The following CNTNAP2 variants were observed in gnomAD, a reference collection of about 807,000 sequenced individuals.
The protein encoded by CNTNAP2 is contactin associated protein 2.
In CNTNAP2, 98 loss-of-function variants were observed where a neutral mutation model predicts 155.2. The ratio of observed to expected loss-of-function variants is 0.63; its 90% CI spans 0.54 to 0.75. The LOEUF is 0.75. CNTNAP2 is among the 30% of genes least tolerant of loss of function. CNTNAP2 has a pLI of 0.00. For missense variants in CNTNAP2, 1,727 were observed against 1,688.1 expected, an observed-to-expected ratio of 1.02 and a Z score of -0.40; for synonymous variants, 651 against 631.2, an observed-to-expected ratio of 1.03 and a Z score of -0.47.
At position 147,968,606 on chromosome 7, in the gene CNTNAP2, A is replaced by T. The variant is rs148819248; in HGVS notation, c.2256-9256A>T. On this transcript the variant is annotated intron_variant, in intron 14 of 23. Coordinates refer to ENST00000361727, the MANE Select transcript of CNTNAP2 (RefSeq NM_014141.6). The stretch of plus-strand genomic sequence containing the variant: ...TGATGATCCAGCCCCTGTTTGTTTT[A>T]TGAACAAAGGCTTTAACTTCTGACA... 2.2e-4 allele frequency among the ~76,000 whole-genome samples: 33 copies of T among 152,274 alleles called. No individual in the cohort carries two copies. In the East Asian group the frequency reaches 6.2e-3, roughly 29 times the overall value.
chr7:147,325,068 T>G (rs1301121019), intron 9 of CNTNAP2, among the ~76,000 whole-genome samples: 1 of 152,140 alleles, frequency 6.6e-6, no homozygotes, highest in Non-Finnish European at 1.5e-5. Context: ...CTTTGGAGGC[T>G]GAGACAGGTG....
chr7:147,867,315 C>T (rs61042427), intron 13 of CNTNAP2, among the ~76,000 whole-genome samples: 4,465 of 152,268 alleles, frequency 0.029, 85 homozygotes, highest in African/African-American at 0.048. Flanking sequence ...GCTGAGAGAT[C>T]CGCTGTTTGT....
intron 17 of CNTNAP2, among the ~76,000 whole-genome samples, chr7:148,154,778 G>A (rs989619314): frequency 6.6e-6 from 1 of 151,956 alleles, no homozygotes; most frequent in African/African-American, 2.4e-5. Flanking sequence ...CTTTACTAAA[G>A]ATACAAAAAT....
At chr7:146,715,192 G>T (rs1317832721) in intron 1 of CNTNAP2, among the ~76,000 whole-genome samples, 1 of 152,094 alleles carries the variant, frequency 6.6e-6, no homozygotes, top group Non-Finnish European at 1.5e-5. Context: ...TTACCCGGTT[G>T]TGGTGGTGGG....
chr7:147,285,835 G>A (rs1015340087), intron 8 of CNTNAP2, among the ~76,000 whole-genome samples: 1 of 151,956 alleles, frequency 6.6e-6, no homozygotes, highest in Non-Finnish European at 1.5e-5. Context: ...ATTAGGATAT[G>A]GAAAACAAGA....
intron 8 of CNTNAP2, among the ~76,000 whole-genome samples, chr7:147,286,480 T>G (rs1371574287): frequency 1.3e-5 from 2 of 151,966 alleles, no homozygotes; most frequent in Non-Finnish European, 2.9e-5. Flanking sequence ...AACCTATAAA[T>G]GTTTAAATAG....
intron 11 of CNTNAP2, among the ~76,000 whole-genome samples, chr7:147,549,481 C>T (rs1799808730): frequency 6.6e-6 from 1 of 152,152 alleles, no homozygotes; most frequent in African/African-American, 2.4e-5. Context: ...AGTTGCTTAT[C>T]AGTTCAAGAT....
intron 13 of CNTNAP2, among the ~76,000 whole-genome samples, chr7:147,855,839 A>G (rs756897886): frequency 7.9e-5 from 12 of 152,260 alleles, no homozygotes; most frequent in Admixed American, 2.0e-4. Flanking sequence ...GGTGGAGGCA[A>G]CATTGAAGGT....
intron 1 of CNTNAP2, among the ~76,000 whole-genome samples, chr7:146,525,761 G>C (rs752027184): frequency 6.6e-5 from 10 of 152,128 alleles, no homozygotes; most frequent in Non-Finnish European, 1.3e-4. Flanking sequence ...AATGAGCTGA[G>C]TTGGCAGCTG....
At chr7:147,390,208 A>G (rs763200758) in intron 9 of CNTNAP2, among the ~76,000 whole-genome samples, 3 of 152,218 alleles carry the variant, frequency 2.0e-5, no homozygotes, top group Non-Finnish European at 2.9e-5. Flanking sequence ...GGAACTGTCA[A>G]TATTCCACCA....
At chr7:147,827,604 A>G (rs549011019) in intron 13 of CNTNAP2, among the ~76,000 whole-genome samples, 1 of 152,310 alleles carries the variant, frequency 6.6e-6, no homozygotes, top group South Asian at 2.1e-4. Context: ...TGATTGAAAT[A>G]TGTTACTTAC....
At chr7:146,326,654 C>T (rs985860984) in intron 1 of CNTNAP2, among the ~76,000 whole-genome samples, 1 of 152,170 alleles carries the variant, frequency 6.6e-6, no homozygotes, top group African/African-American at 2.4e-5. Context: ...CAGGTACATA[C>T]ACCAATCAAA....
intron 9 of CNTNAP2, among the ~76,000 whole-genome samples, chr7:147,310,806 G>C (rs530876018): frequency 1.1e-4 from 16 of 152,284 alleles, no homozygotes; most frequent in African/African-American, 3.9e-4. Flanking sequence ...TAGATACAGG[G>C]ACCACTGCAA....
intron 2 of CNTNAP2, among the ~76,000 whole-genome samples, chr7:146,796,881 A>G (rs1585094821): frequency 6.6e-6 from 1 of 152,248 alleles, no homozygotes; most frequent in East Asian, 1.9e-4. Flanking sequence ...TCACACCTGT[A>G]ATCTCAGCAC....
chr7:147,796,275 T>A (rs1486042605), intron 13 of CNTNAP2, among the ~76,000 whole-genome samples: 2 of 152,192 alleles, frequency 1.3e-5, no homozygotes, highest in Non-Finnish European at 2.9e-5. Flanking sequence ...GTGGCTTATG[T>A]ACTATAACAA....
At chr7:146,349,969 G>GT (rs146634611) in intron 1 of CNTNAP2, among the ~76,000 whole-genome samples, 6,566 of 152,188 alleles carry the variant, frequency 0.043, 205 homozygotes, top group Non-Finnish European at 0.07. Flanking sequence ...TTCTCGAGGA[G>GT]TATCTCTGTG....
chr7:147,352,442 T>C (rs1317080652), intron 9 of CNTNAP2, among the ~76,000 whole-genome samples: 1 of 151,966 alleles, frequency 6.6e-6, no homozygotes, highest in East Asian at 1.9e-4. Flanking sequence ...TCATACTTGG[T>C]ATTTAAATGG....
intron 3 of CNTNAP2, among the ~76,000 whole-genome samples, chr7:146,885,347 G>A (rs539873461): frequency 3.9e-5 from 6 of 152,160 alleles, no homozygotes; most frequent in South Asian, 4.1e-4. Flanking sequence ...GGCAAGAAAC[G>A]AGAATACCAG....
chr7:146,129,185 G>T (rs762084155), intron 1 of CNTNAP2, among the ~76,000 whole-genome samples: 58 of 152,024 alleles, frequency 3.8e-4, no homozygotes, highest in Non-Finnish European at 6.2e-4. Flanking sequence ...AATCACCCAC[G>T]TATCAATTTT....
Sources: gnomAD v4.1 joint callset for allele counts (sites outside exome capture counted in the v4.1 genomes callset) on GRCh38, gnomAD v4.1.1 for gene constraint, MANE v1.5 for transcripts, NCBI Gene and HGNC (gene_info 2026-07-23, HGNC 2026-07-21) for gene names.